The following USP44 variants were observed in gnomAD, a reference collection of about 807,000 sequenced individuals.
The protein encoded by USP44 is ubiquitin carboxyl-terminal hydrolase 44.
Under a neutral mutation model 69.0 loss-of-function variants are expected in USP44, and 61 were observed. The ratio of observed to expected loss-of-function variants is 0.88; its 90% CI spans 0.72 to 1.09. The LOEUF is 1.09. USP44 is among the 50% of genes least tolerant of loss of function. The pLI is 0.00. For missense variants in USP44, 753 were observed against 849.9 expected (o/e 0.89, Z 1.42); for synonymous variants, 297 against 295.4 (o/e 1.01, Z -0.06).
chr12:95,549,172 A>T (rs1398865829), intron 1 of USP44, among the ~76,000 whole-genome samples: 1 of 152,244 alleles, frequency 6.6e-6, no homozygotes, highest in African/African-American at 2.4e-5. Flanking sequence ...CACAACGTCG[A>T]ATTGTTTGGC....
chr12:95,540,514 G>T (rs1008464012), intron 1 of USP44, among the ~76,000 whole-genome samples: 1 of 151,976 alleles, frequency 6.6e-6, no homozygotes, highest in Non-Finnish European at 1.5e-5. Flanking sequence ...GGCGAATTTT[G>T]TATTTTTAGT....
intron 1 of USP44, among the ~76,000 whole-genome samples, chr12:95,534,600 T>G (rs983924004): frequency 7.2e-5 from 11 of 152,078 alleles, no homozygotes; most frequent in Non-Finnish European, 1.5e-5. Context: ...TGGGTAGTAA[T>G]CACTTTCCAC....
At chr12:95,519,390 C>T (rs10859892) in intron 5 of USP44, among the ~76,000 whole-genome samples, 41,779 of 148,956 alleles carry the variant, frequency 0.28, 6,429 homozygotes, top group East Asian at 0.48. Flanking sequence ...ATTCAAAACA[C>T]TTATGGTCCC....
At chr12:95,541,334 AAGT>A (rs2077382817) in intron 1 of USP44, among the ~76,000 whole-genome samples, 1 of 152,120 alleles carries the variant, frequency 6.6e-6, no homozygotes, top group African/African-American at 2.4e-5. Context: ...TCAGAATACA[AAGT>A]CCTAGCAATT....
At position 95,548,516 on chromosome 12, in the gene USP44, C is replaced by A. The variant is rs1001462913; in HGVS notation, c.-71+2756G>T. 3.9e-5 allele frequency: 6 copies of A among 152,424 alleles called. No homozygotes were observed. Among genetic ancestry groups the A allele is most frequent in the Admixed American group, 1.3e-4 (2 of 15,286 alleles). 9.4% of individuals were successfully genotyped at this position (152,424 alleles called of 1,614,324 possible). On this transcript the variant is annotated intron_variant, in intron 1 of 5. Coordinates refer to ENST00000258499, the MANE Select transcript of USP44 (RefSeq NM_032147.5). The surrounding 1 kb of genome is among the most constrained non-coding windows in gnomAD (Gnocchi z 4.1). ...CCGCCGGGACAGGGTCGGAGCGCCGCAGAACCCACCGAAACTTCCCAGGGG... is the reference window on the plus strand; with the variant it reads ...CCGCCGGGACAGGGTCGGAGCGCCGAAGAACCCACCGAAACTTCCCAGGGG...
At chr12:95,521,934 T>C in intron 4 of USP44, 2 of 654,708 alleles carry the variant, frequency 3.1e-6, no homozygotes, top group Non-Finnish European at 3.8e-6. Context: ...TTCAGAGATT[T>C]TCAGACTAAA....
At chr12:95,519,165 T>A (rs922887156) in intron 5 of USP44, among the ~76,000 whole-genome samples, 5 of 152,184 alleles carry the variant, frequency 3.3e-5, no homozygotes, top group Admixed American at 6.5e-5. Context: ...ACTGTCCATA[T>A]GAGTGGCTGA....
At chr12:95,520,857 C>G in intron 5 of USP44, 140 bp downstream of exon 5, 2 of 710,192 alleles carry the variant, frequency 2.8e-6, no homozygotes, top group Non-Finnish European at 4.6e-6. Flanking sequence ...TTTTTTAGTA[C>G]CTGCAGAGGC....
At chr12:95,536,296 C>A (rs907242310) in intron 1 of USP44, among the ~76,000 whole-genome samples, 2 of 152,024 alleles carry the variant, frequency 1.3e-5, no homozygotes, top group Non-Finnish European at 1.5e-5. Flanking sequence ...ACCCGCCTAA[C>A]CCTCCCAAAG....
rs2076545465 is a variant in USP44 at position 95,518,414 on chromosome 12, C to T, written c.1940-61G>A. On this transcript the variant is annotated intron_variant, in intron 5 of 5. Transcript: ENST00000258499. ...CTTTAGAAAATTCTAGTATGAAAGG[C>T]ATTGAGTGAGAAGCTTTTTCTGAAG... The T allele has an allele frequency of 1.3e-5, 20 of 1,527,672 alleles. No homozygotes were observed. In the South Asian group the frequency reaches 2.3e-4, roughly 17 times the overall value. 94.6% of individuals were successfully genotyped at this position (1,527,672 alleles called of 1,614,324 possible). A position where few individuals can be genotyped will look rare whatever the true frequency, so the allele number is the denominator to read the frequency against.
At chr12:95,523,190 C>T (rs1295734733) in intron 4 of USP44, among the ~76,000 whole-genome samples, 1 of 152,132 alleles carries the variant, frequency 6.6e-6, no homozygotes, top group Non-Finnish European at 1.5e-5. Flanking sequence ...TGGGTAAACA[C>T]AAAGGTTTCC....
In USP44 at chr12:95,533,093, C is replaced by A. The variant is rs777867882; in HGVS notation, c.1164G>T (p.Leu388Phe). Reference protein sequence around the residue: ...YISLCHELHTLFQVMWSGKWA... With the variant: ...YISLCHELHTFFQVMWSGKWA... Reference sequence around the variant, plus strand: ...ACTTTCCAGACCACATGACTTGGAACAAAGTATGCAATTCATGACAAAGAG... The same window carrying A: ...ACTTTCCAGACCACATGACTTGGAAAAAAGTATGCAATTCATGACAAAGAG... Residue 388 changes from leucine (L) to phenylalanine (F), a missense_variant, in exon 2 of 6, where the codon TTG becomes TTT. Physicochemically the swap from Leu to Phe is conservative, Grantham distance 22 (BLOSUM62 0). Transcript: ENST00000258499. 114 of 1,614,088 alleles carry A rather than the reference C, an allele frequency of 7.1e-5. No individual in the cohort carries two copies. Among genetic ancestry groups the A allele is most frequent in the Non-Finnish European group, 9.7e-5 (114 of 1,180,038 alleles).
intron 4 of USP44, among the ~76,000 whole-genome samples, chr12:95,521,546 G>C: frequency 6.6e-6 from 1 of 152,330 alleles, no homozygotes; most frequent in South Asian, 2.1e-4. Context: ...CTGTTACCTA[G>C]GCTGGAGTGC....
At chr12:95,535,310 C>T (rs1200710222) in intron 1 of USP44, 1 of 152,112 alleles carries the variant, frequency 6.6e-6, no homozygotes, top group South Asian at 2.1e-4. Flanking sequence ...TCTTATTACC[C>T]TATTTAAATA....
chr12:95,539,904 G>A (rs1014612777), intron 1 of USP44, among the ~76,000 whole-genome samples: 14 of 152,104 alleles, frequency 9.2e-5, no homozygotes, highest in Non-Finnish European at 1.3e-4. Context: ...AAATATCACA[G>A]GTAATATATT....
chr12:95,540,160 T>C (rs2077341534), intron 1 of USP44, among the ~76,000 whole-genome samples: 1 of 152,170 alleles, frequency 6.6e-6, no homozygotes, highest in South Asian at 2.1e-4. Context: ...ACCCAGACTT[T>C]ACCCTTAGCC....
intron 3 of USP44, among the ~76,000 whole-genome samples, chr12:95,527,547 C>T (rs1008016690): frequency 3.3e-5 from 5 of 152,262 alleles, no homozygotes; most frequent in Non-Finnish European, 1.5e-5. Flanking sequence ...TGCAGTGGCA[C>T]GATCTTGGCT....
chr12:95,548,001 G>GT lies in USP44; in HGVS notation c.-71+3270dup, dbSNP rs2077628071. 6.6e-6 allele frequency: 1 copy of GT among 152,112 alleles called. No individual in the cohort carries two copies. Among genetic ancestry groups the GT allele is most frequent in the African/African-American group, 2.4e-5 (1 of 41,362 alleles). The allele number at this position is 152,112 out of a possible 1,614,324, so 9.4% of individuals were successfully genotyped here. A position where few individuals can be genotyped will look rare whatever the true frequency, so the allele number is the denominator to read the frequency against. On this transcript the variant is annotated intron_variant, in intron 1 of 5. Transcript: ENST00000258499. The surrounding 1 kb of genome is among the most constrained non-coding windows in gnomAD (Gnocchi z 4.1). ...GTCTTACCTACTCTTAAATTTGAAC[G>GT]TATTAACAGGTTCCCCTCCGCGCAC... is the stretch of plus-strand genomic sequence containing the variant.
chr12:95,543,367 G>C (rs1301434215), intron 1 of USP44, among the ~76,000 whole-genome samples: 1 of 137,696 alleles, frequency 7.3e-6, no homozygotes, highest in African/African-American at 2.8e-5. Context: ...TCATGCCACT[G>C]CAGCAGTCCA....
Sources: allele counts gnomAD v4.1 joint callset (sites outside exome capture counted in the v4.1 genomes callset), GRCh38; gene constraint gnomAD v4.1.1; non-coding constraint Gnocchi (gnomAD v3.1); transcripts MANE v1.5; gene names NCBI Gene and HGNC (gene_info 2026-07-23, HGNC 2026-07-21).